The following MUC22 variants were observed in gnomAD, a reference collection of about 807,000 sequenced individuals.
The protein encoded by MUC22 is mucin-22.
A neutral mutation model predicts 40.3 loss-of-function variants in MUC22; 24 were observed. That is an observed-to-expected ratio of 0.60 (90% confidence interval 0.43 to 0.84). The LOEUF is 0.84. Among genes scored for constraint, MUC22 ranks in the 40% least tolerant of loss-of-function variants. The pLI is 0.00. For missense variants in MUC22, 1,926 were observed against 2,130.7 expected, an observed-to-expected ratio of 0.90 and a Z score of 1.89; for synonymous variants, 765 against 844.5, an observed-to-expected ratio of 0.91 and a Z score of 1.63.
At position 31,032,873 on chromosome 6, in the gene MUC22, A is replaced by G. The variant is rs1766171095; in HGVS notation, c.5055+292A>G. On this transcript the variant is annotated intron_variant, in intron 3 of 3. Transcript: ENST00000561890. This position sits in a 1 kb window ranked among gnomAD's most constrained non-coding sequence, Gnocchi z 4.1. ...AACAAGGAGGACATAAACATAAAGA[A>G]AGCAAGAAGCAGCTGGGCGCAGTGG... Among the ~76,000 whole-genome samples the G allele has an allele frequency of 6.6e-6, 1 of 152,180 alleles. No individual in the cohort carries two copies. Among genetic ancestry groups the G allele is most frequent in the African/African-American group, 2.4e-5 (1 of 41,444 alleles).
At chr6:31,035,255 G>A (rs1468151302) in exon 4 of MUC22, 9 of 348,870 alleles carry the variant, frequency 2.6e-5, no homozygotes, top group Admixed American at 1.7e-4. Context: ...GGGGAGTCAC[G>A]ACAACCACCC....
chr6:31,010,434 C>A, upstream of MUC22: 1 of 446,580 alleles, frequency 2.2e-6, no homozygotes, highest in Non-Finnish European at 4.0e-6. Context: ...GCCTCCCCTA[C>A]TCAGTATCAG....
chr6:31,007,792 A>G (rs1763607273), upstream of MUC22, among the ~76,000 whole-genome samples: 1 of 152,182 alleles, frequency 6.6e-6, no homozygotes, highest in Admixed American at 6.5e-5. This position sits in a 1 kb window ranked among gnomAD's most constrained non-coding sequence, Gnocchi z 4.0. Context: ...TCCTAAGCCC[A>G]CAACCCCTGT....
Position 31,026,269 on chromosome 6 carries a change from A to C in MUC22, c.838A>C (p.Ile280Leu). The change falls in exon 2 of 4, where the codon ATC becomes CTC. Residue 280 changes from isoleucine (I) to leucine (L), a missense_variant. Coordinates refer to ENST00000561890, the Ensembl canonical transcript of MUC22. ...TACCACAGGCTCTGAGACCACTACA[A>C]TCCTGATTAAAGCCTCTGAGACCAC... 4.7e-6 allele frequency: 6 copies of C among 1,274,598 alleles called. No individual in the cohort carries two copies. The African/African-American group carries it at 6.3e-5, about 13-fold the overall frequency. The allele number at this position is 1,274,598 out of a possible 1,614,324, so 79.0% of individuals were successfully genotyped here.
At chr6:31,009,727 T>C (rs995937125), upstream of MUC22, among the ~76,000 whole-genome samples, 1 of 152,238 alleles carries the variant, frequency 6.6e-6, no homozygotes, top group Non-Finnish European at 1.5e-5. Context: ...CCAAACTACA[T>C]TTTTCCTTGC....
chr6:31,024,795 T>G (rs2150778636), intron 1 of MUC22, among the ~76,000 whole-genome samples: 1 of 152,222 alleles, frequency 6.6e-6, no homozygotes, highest in Admixed American at 6.5e-5. Context: ...TCGAGCTCAT[T>G]AACAACTCAG....
rs1444669608 is a variant in MUC22, at chr6:31,029,216, G to A, written c.3785G>A (p.Gly1262Asp). ...GAGACCACTACAGTCTCCTCCACAG[G>A]CTCTGAGACCACCACAGTCTCTACC... Residue 1262 changes from glycine (G) to aspartate (D), a missense_variant, in exon 2 of 4, where the codon GGC becomes GAC. Physicochemically the swap from Gly to Asp is moderately conservative, Grantham distance 94. This residue lies in a region of MUC22 where 610 missense variants were observed against 714.6 expected (regional missense o/e 0.85). Coordinates refer to ENST00000561890, the Ensembl canonical transcript of MUC22. 2 of 1,535,064 alleles carry A rather than the reference G, an allele frequency of 1.3e-6. No homozygotes were observed. Among genetic ancestry groups the A allele is most frequent in the African/African-American group, 2.7e-5 (2 of 72,904 alleles).
chr6:31,025,995 C>G (rs1765268488), exon 2 of MUC22: 1 of 1,533,428 alleles, frequency 6.5e-7, no homozygotes, highest in African/African-American at 1.4e-5. Flanking sequence ...CTGCCACAGT[C>G]TCTACCACAG....
At position 31,032,612 on chromosome 6, in the gene MUC22, C is replaced by A. The variant is rs1207748819; in HGVS notation, c.5055+31C>A. ...TACCCAGGGTGGGTTCATAGGGGAGCCTGGCAAGAAGGCAGGGGGGAATCA... is the reference window on the plus strand; with the variant it reads ...TACCCAGGGTGGGTTCATAGGGGAGACTGGCAAGAAGGCAGGGGGGAATCA... On this transcript the variant is annotated intron_variant, in intron 3 of 3. Transcript: ENST00000561890. The surrounding 1 kb of genome is among the most constrained non-coding windows in gnomAD (Gnocchi z 4.1). 2.0e-6 allele frequency: 3 copies of A among 1,505,906 alleles called. No homozygotes were observed. The Admixed American group carries it at 6.2e-5, about 31-fold the overall frequency. The allele number at this position is 1,505,906 out of a possible 1,614,324, so 93.3% of individuals were successfully genotyped here.
chr6:31,022,037 G>A (rs1015812896), intron 1 of MUC22, among the ~76,000 whole-genome samples: 1 of 151,970 alleles, frequency 6.6e-6, no homozygotes, highest in Non-Finnish European at 1.5e-5. Flanking sequence ...ATGGGCTTAA[G>A]AGTTGCTAAC....
exon 2 of MUC22, chr6:31,027,952 G>T: frequency 6.5e-7 from 1 of 1,529,176 alleles, no homozygotes; most frequent in Non-Finnish European, 8.7e-7. Context: ...AGCCTCCACT[G>T]CAGGCTCTGA....
At chr6:31,025,833 C>T (rs967616317) in exon 2 of MUC22, 3 of 1,533,740 alleles carry the variant, frequency 2.0e-6, no homozygotes, top group Non-Finnish European at 2.6e-6. Context: ...CCACCACAGT[C>T]TCTGGGACCA....
chr6:31,007,877 G>A (rs1763613642), upstream of MUC22, among the ~76,000 whole-genome samples: 3 of 152,218 alleles, frequency 2.0e-5, no homozygotes, highest in South Asian at 2.1e-4. The surrounding 1 kb of genome is among the most constrained non-coding windows in gnomAD (Gnocchi z 4.0). Context: ...AAATGTTCTC[G>A]GACCAGTCAG....
At chr6:31,025,371 C>A in intron 1 of MUC22, 131 bp from the exon 2 acceptor site, 1 of 1,048,874 alleles carries the variant, frequency 9.5e-7, no homozygotes, top group Non-Finnish European at 1.3e-6. Flanking sequence ...ATACCAGGTA[C>A]ATGTTAAGCC....
chr6:31,026,114 C>T lies in MUC22; in HGVS notation c.683C>T (p.Thr228Ile), dbSNP rs150380851. 59 of 1,531,910 alleles carry T rather than the reference C, an allele frequency of 3.9e-5. No homozygotes were observed. The African/African-American group carries it at 5.6e-4, about 15-fold the overall frequency. The allele number at this position is 1,531,910 out of a possible 1,614,324, so 94.9% of individuals were successfully genotyped here. A position where few individuals can be genotyped will look rare whatever the true frequency, so the allele number is the denominator to read the frequency against. ...ACTGCAGGTTCTGAGACCACCACTA[C>T]CTCCACCTCCATGGCAGGCTCTGAG... The change falls in exon 2 of 4, where the codon ACC (threonine) becomes ATC (isoleucine). Residue 228 changes from threonine to isoleucine, a missense_variant. Physicochemically the swap from Thr to Ile is moderately conservative, Grantham distance 89 (BLOSUM62 -1). Coordinates refer to ENST00000561890, the Ensembl canonical transcript of MUC22.
chr6:31,021,915 T>A (rs114115115), intron 1 of MUC22, among the ~76,000 whole-genome samples: 4 of 152,022 alleles, frequency 2.6e-5, no homozygotes, highest in Non-Finnish European at 5.9e-5. Flanking sequence ...GCTCACTTTT[T>A]GGGTCTACAC....
rs76390774 is a variant in MUC22 at position 31,011,038 on chromosome 6, C to A, written c.70+262C>A. On this transcript the variant is annotated intron_variant, in intron 1 of 3. Transcript: ENST00000561890. The surrounding 1 kb of genome is among the most constrained non-coding windows in gnomAD (Gnocchi z 4.5). ...GAGCACATGTGGTGGGGCGGTGGGGCGGTGCTGGGGAAATGGAGGGGGGTG... is the reference window on the plus strand; with the variant it reads ...GAGCACATGTGGTGGGGCGGTGGGGAGGTGCTGGGGAAATGGAGGGGGGTG... Among the ~76,000 whole-genome samples the A allele has an allele frequency of 6.6e-6, 1 of 151,102 alleles. No homozygotes were observed. The highest frequency in any genetic ancestry group is 1.5e-5 in the Non-Finnish European group (1 of 67,856).
exon 2 of MUC22, chr6:31,026,497 A>ACCACCATCT (rs1765366002): frequency 6.6e-7 from 1 of 1,505,506 alleles, no homozygotes; most frequent in East Asian, 2.5e-5. Flanking sequence ...AGGCTCTGAG[A>ACCACCATCT]CCACTACAGT....
chr6:31,020,673 G>T (rs986193597), intron 1 of MUC22, among the ~76,000 whole-genome samples: 1 of 152,132 alleles, frequency 6.6e-6, no homozygotes, highest in Non-Finnish European at 1.5e-5. Flanking sequence ...CCCTTTCTGG[G>T]CTGGCCGAGG....
Sources: gnomAD v4.1 joint callset for allele counts (sites outside exome capture counted in the v4.1 genomes callset) on GRCh38, gnomAD v4.1.1 for gene constraint, gnomAD v4.1.1 regional missense constraint, Gnocchi (gnomAD v3.1) non-coding constraint, MANE v1.5 for transcripts, NCBI Gene and HGNC (gene_info 2026-07-23, HGNC 2026-07-21) for gene names.